The following PCDH15 variants were observed in gnomAD, a reference collection of about 807,000 sequenced individuals.
PCDH15 encodes the protein protocadherin related 15, also known as protocadherin-15.
PCDH15 carries 129 observed loss-of-function variants against 178.5 expected under a neutral mutation model. The observed-to-expected ratio is 0.72, with a 90% CI of 0.63 to 0.84. The LOEUF (loss-of-function observed/expected upper bound fraction) is 0.84, where lower values mean the gene tolerates loss of function less well. PCDH15 is among the 40% of genes least tolerant of loss of function. The pLI, the probability that PCDH15 is intolerant of heterozygous loss-of-function variation, is 0.00. For synonymous variants in PCDH15, 800 were observed against 732.0 expected (o/e 1.09, Z -1.50); for missense variants, 2,230 against 2,099.9 (o/e 1.06, Z -1.21).
chr10:55,615,169 A>G (rs1329585666), intron 2 of PCDH15, among the ~76,000 whole-genome samples: 1 of 152,144 alleles, frequency 6.6e-6, no homozygotes, highest in Non-Finnish European at 1.5e-5. Context: ...ATTGTATACT[A>G]AAACAATTGT....
At position 54,526,946 on chromosome 10, in the gene PCDH15, G is replaced by A. The variant is rs1466985786; in HGVS notation, c.157+866C>T. 3.9e-5 allele frequency among the ~76,000 whole-genome samples: 6 copies of A among 152,172 alleles called. No individual in the cohort carries two copies. The South Asian group carries it at 8.3e-4, about 21-fold the overall frequency. The stretch of plus-strand genomic sequence containing the variant: ...CAAGAAAAAGGTCACTTTCTAATAA[G>A]GCAACTGACAATTATTTTGTAAAAA... On this transcript the variant is annotated intron_variant, in intron 3 of 37. Coordinates refer to ENST00000644397, the MANE Select transcript of PCDH15 (RefSeq NM_001384140.1).
intron 1 of PCDH15, among the ~76,000 whole-genome samples, chr10:54,676,189 C>A (rs1164209373): frequency 6.6e-6 from 1 of 151,630 alleles, no homozygotes; most frequent in Non-Finnish European, 1.5e-5. Flanking sequence ...AAAATATATG[C>A]TTATAAAATA....
intron 2 of PCDH15, among the ~76,000 whole-genome samples, chr10:54,912,513 C>T (rs1318913915): frequency 2.0e-5 from 3 of 152,132 alleles, no homozygotes; most frequent in Non-Finnish European, 2.9e-5. Flanking sequence ...TTGTAAGTTT[C>T]TTAAGACCTC....
intron 13 of PCDH15, among the ~76,000 whole-genome samples, chr10:54,155,675 CTT>C (rs939699381): frequency 6.8e-6 from 1 of 146,666 alleles, no homozygotes; most frequent in African/African-American, 2.5e-5. Context: ...AACTCAAGAC[CTT>C]TTTTTTTTTA....
chr10:55,383,167 A>G (rs1024109107), intron 2 of PCDH15, among the ~76,000 whole-genome samples: 1 of 152,086 alleles, frequency 6.6e-6, no homozygotes, highest in Non-Finnish European at 1.5e-5. Flanking sequence ...TATGGGAAGA[A>G]GGGGATCTTT....
chr10:55,014,561 AT>A (rs1204919624), intron 2 of PCDH15, among the ~76,000 whole-genome samples: 1 of 152,224 alleles, frequency 6.6e-6, no homozygotes, highest in Non-Finnish European at 1.5e-5. Context: ...AAATGAAAAA[AT>A]GAAAAGATCA....
chr10:55,359,239 C>T (rs1193623459), intron 2 of PCDH15, among the ~76,000 whole-genome samples: 1 of 151,152 alleles, frequency 6.6e-6, no homozygotes, highest in Admixed American at 6.6e-5. Context: ...TTAAATGGCA[C>T]AAGTATACTA....
intron 1 of PCDH15, among the ~76,000 whole-genome samples, chr10:54,723,532 C>T (rs916978861): frequency 6.6e-6 from 1 of 151,566 alleles, no homozygotes; most frequent in African/African-American, 2.4e-5. Context: ...GCAACAAAAA[C>T]AAAATAGACA....
rs146998178 is a variant in PCDH15, at chr10:54,851,203, C to T, written c.-29+46247G>A. Among the ~76,000 whole-genome samples, 45 of 152,148 alleles carry T rather than the reference C, an allele frequency of 3.0e-4. 2 individuals are homozygous for T. In the East Asian group the frequency reaches 7.0e-3, roughly 24 times the overall value. ...CAACGTAATCATTACACATTGCATGCCTGTATCAAAACATCTCATATATCC... is the reference window on the plus strand; with the variant it reads ...CAACGTAATCATTACACATTGCATGTCTGTATCAAAACATCTCATATATCC... On this transcript the variant is annotated intron_variant, in intron 3 of 5. Coordinates refer to the PCDH15 transcript ENST00000458638.
At chr10:53,810,827 A>G (rs1254320338) in intron 36 of PCDH15, among the ~76,000 whole-genome samples, 163 bp from the exon 37 acceptor site, 1 of 152,202 alleles carries the variant, frequency 6.6e-6, no homozygotes, top group Non-Finnish European at 1.5e-5. Flanking sequence ...ATAGAGTAAG[A>G]ACTGCTACCT....
chr10:54,358,582 C>A (rs1376787416), intron 5 of PCDH15, among the ~76,000 whole-genome samples: 2 of 151,424 alleles, frequency 1.3e-5, no homozygotes, highest in East Asian at 3.9e-4. Context: ...ACTAGTTCAA[C>A]CATTGTGGAA....
chr10:53,865,059 C>T (rs1453228133), intron 27 of PCDH15, among the ~76,000 whole-genome samples: 3 of 152,020 alleles, frequency 2.0e-5, no homozygotes, highest in Non-Finnish European at 2.9e-5. Context: ...TTTGATTACA[C>T]CACTGCACTT....
intron 1 of PCDH15, among the ~76,000 whole-genome samples, chr10:55,256,427 A>G (rs1240029818): frequency 6.6e-6 from 1 of 152,200 alleles, no homozygotes; most frequent in Admixed American, 6.5e-5. Flanking sequence ...AGGGCGAGGC[A>G]TCGCCTCACC....
intron 2 of PCDH15, among the ~76,000 whole-genome samples, chr10:55,403,887 C>G (rs991992189): frequency 6.6e-6 from 1 of 151,954 alleles, no homozygotes; most frequent in Non-Finnish European, 1.5e-5. Flanking sequence ...TATTCAAGTA[C>G]TTTCTGAGGT....
chr10:54,525,410 G>A (rs977793629), intron 3 of PCDH15, among the ~76,000 whole-genome samples: 2 of 152,114 alleles, frequency 1.3e-5, no homozygotes, highest in African/African-American at 4.8e-5. Context: ...TACTGGAAAG[G>A]AGAAATTAAG....
chr10:54,044,400 G>C (rs1443612853), intron 18 of PCDH15, among the ~76,000 whole-genome samples: 1 of 152,110 alleles, frequency 6.6e-6, no homozygotes, highest in African/African-American at 2.4e-5. Flanking sequence ...TGTTCCTCAG[G>C]AGAGCCTAGG....
At chr10:54,479,270 T>G (rs1183797411) in intron 3 of PCDH15, among the ~76,000 whole-genome samples, 1 of 151,990 alleles carries the variant, frequency 6.6e-6, no homozygotes, top group Non-Finnish European at 1.5e-5. Context: ...TCCCTAAAGC[T>G]ATTTACAGAG....
At chr10:54,731,593 C>CACACAT (rs1232341758) in intron 1 of PCDH15, among the ~76,000 whole-genome samples, 9 of 130,294 alleles carry the variant, frequency 6.9e-5, no homozygotes, top group East Asian at 4.3e-4. Context: ...CACACACACA[C>CACACAT]ATATATATAT....
chr10:54,130,526 A>G (rs1375361557), intron 15 of PCDH15, among the ~76,000 whole-genome samples: 2 of 152,178 alleles, frequency 1.3e-5, no homozygotes, highest in Non-Finnish European at 2.9e-5. Context: ...TGCCATCAAT[A>G]CAGCCGTCAG....
Sources: gnomAD v4.1 joint callset for allele counts (sites outside exome capture counted in the v4.1 genomes callset) on GRCh38, gnomAD v4.1.1 for gene constraint, MANE v1.5 for transcripts, NCBI Gene and HGNC (gene_info 2026-07-23, HGNC 2026-07-21) for gene names.